Variants in DPYSL5 observed in about 807,000 individuals in gnomAD.
The protein encoded by DPYSL5 is dihydropyrimidinase-related protein 5.
In DPYSL5, 9 loss-of-function variants were observed where a neutral mutation model predicts 58.4. The observed-to-expected ratio is 0.15, with a 90% CI of 0.09 to 0.27. The LOEUF is 0.27. DPYSL5 is among the 10% of genes least tolerant of loss of function. The probability of loss-of-function intolerance (pLI) is 1.00; values close to 1 mark genes in which losing one functional copy is unlikely to be tolerated. For missense variants in DPYSL5, 499 were observed against 770.6 expected (o/e 0.65, Z 4.17); for synonymous variants, 293 against 301.9 (o/e 0.97, Z 0.31).
intron 5 of DPYSL5, 36 bp downstream of exon 5, chr2:26,928,359 C>T: frequency 6.2e-7 from 1 of 1,604,918 alleles, no homozygotes; most frequent in Non-Finnish European, 8.5e-7. Flanking sequence ...GTCAGCGTCT[C>T]TCATGTAGAT....
chr2:26,871,656 G>A (rs1050992375), intron 1 of DPYSL5, among the ~76,000 whole-genome samples: 1 of 151,912 alleles, frequency 6.6e-6, no homozygotes, highest in East Asian at 1.9e-4. Context: ...GGCTGGGCTG[G>A]TCTTGAACTC....
intron 1 of DPYSL5, among the ~76,000 whole-genome samples, chr2:26,862,321 AT>A (rs1430941783): frequency 6.6e-6 from 1 of 152,214 alleles, no homozygotes; most frequent in African/African-American, 2.4e-5. Context: ...GTTGAGCTGA[AT>A]TTATTTCTCT....
intron 2 of DPYSL5, among the ~76,000 whole-genome samples, chr2:26,908,044 G>C (rs1664343471): frequency 3.3e-5 from 5 of 152,122 alleles, no homozygotes; most frequent in African/African-American, 1.2e-4. Flanking sequence ...TAATCTCTCT[G>C]TTCCTCCATT....
At chr2:26,938,340 AGCCCT>A (rs1451616313) in intron 8 of DPYSL5, 1 of 152,170 alleles carries the variant, frequency 6.6e-6, no homozygotes, top group Admixed American at 6.5e-5. Context: ...TTCTGCCCTG[AGCCCT>A]GCTCAGGTAT....
chr2:26,945,282 G>A (rs1193461230), intron 12 of DPYSL5, among the ~76,000 whole-genome samples: 2 of 144,610 alleles, frequency 1.4e-5, no homozygotes, highest in South Asian at 2.2e-4. Context: ...ACCTTTCCCC[G>A]CCTTTGCCTC....
chr2:26,921,531 A>G (rs1054556740), intron 2 of DPYSL5, among the ~76,000 whole-genome samples: 7 of 152,136 alleles, frequency 4.6e-5, no homozygotes, highest in Non-Finnish European at 1.0e-4. Context: ...GGATGACACT[A>G]AAAAGGTCTG....
chr2:26,901,829 A>C (rs1479930574), intron 2 of DPYSL5, among the ~76,000 whole-genome samples: 1 of 129,280 alleles, frequency 7.7e-6, no homozygotes, highest in Non-Finnish European at 1.6e-5. Context: ...CAGCAGCTGG[A>C]CTAGGAAAAC....
At chr2:26,888,339 G>T (rs1377180528) in intron 1 of DPYSL5, among the ~76,000 whole-genome samples, 1 of 150,760 alleles carries the variant, frequency 6.6e-6, no homozygotes, top group Non-Finnish European at 1.5e-5. Context: ...AGTGCAATCT[G>T]GGCCCACTGC....
chr2:26,887,658 G>A (rs966132588), intron 1 of DPYSL5, among the ~76,000 whole-genome samples: 2 of 151,362 alleles, frequency 1.3e-5, no homozygotes, highest in Non-Finnish European at 2.9e-5. Context: ...AAGTAAAAAT[G>A]GGGGGCATGG....
chr2:26,935,055 A>T (rs1364548629), intron 8 of DPYSL5, among the ~76,000 whole-genome samples: 3 of 152,166 alleles, frequency 2.0e-5, no homozygotes, highest in Admixed American at 6.5e-5. Context: ...CCTGTGACTT[A>T]TCCTAGAATG....
chr2:26,917,717 G>A (rs1325550734), intron 2 of DPYSL5, among the ~76,000 whole-genome samples: 2 of 152,208 alleles, frequency 1.3e-5, no homozygotes, highest in African/African-American at 2.4e-5. Context: ...TCAGGCCAGC[G>A]CAGGTGATAA....
At chr2:26,868,988 A>T (rs1663185646) in intron 1 of DPYSL5, among the ~76,000 whole-genome samples, 1 of 152,152 alleles carries the variant, frequency 6.6e-6, no homozygotes, top group Non-Finnish European at 1.5e-5. Context: ...TTTTTGAGAC[A>T]GGGTCTTGCT....
chr2:26,889,883 T>C (rs571841501), intron 1 of DPYSL5, among the ~76,000 whole-genome samples: 33 of 152,246 alleles, frequency 2.2e-4, no homozygotes, highest in African/African-American at 7.5e-4. Context: ...CCTCCCTTTG[T>C]TGAGTTCAGC....
At chr2:26,910,262 G>A (rs1229463201) in intron 2 of DPYSL5, among the ~76,000 whole-genome samples, 5 of 152,198 alleles carry the variant, frequency 3.3e-5, no homozygotes, top group African/African-American at 1.2e-4. Flanking sequence ...AGTGGAATGT[G>A]TCTGTTTTAT....
chr2:26,865,291 G>A (rs1666112329), intron 1 of DPYSL5, among the ~76,000 whole-genome samples: 1 of 142,988 alleles, frequency 7.0e-6, no homozygotes. Flanking sequence ...TTGTTAAGAT[G>A]TGGAGATAGG....
intron 1 of DPYSL5, among the ~76,000 whole-genome samples, chr2:26,886,623 T>C (rs1663726315): frequency 6.6e-6 from 1 of 152,218 alleles, no homozygotes; most frequent in African/African-American, 2.4e-5. Flanking sequence ...GTTTTTACTG[T>C]TTACTACTTA....
Position 26,942,108 on chromosome 2 carries a change from C to T in DPYSL5, c.1232+16C>T, listed in dbSNP as rs187940086. ...AAGCCACAAAGTAAAGTTTGTTGCT[C>T]GTCCCCAGGGCTAGAGGGGCTTGGG... On this transcript the variant is annotated intron_variant, in intron 10 of 12. Transcript: ENST00000288699. This position sits in a 1 kb window ranked among gnomAD's most constrained non-coding sequence, Gnocchi z 5.9. 2.3e-4 allele frequency: 376 copies of T among 1,613,960 alleles called. 2 individuals carry two copies. Among genetic ancestry groups the T allele is most frequent in the East Asian group, 1.6e-3 (74 of 44,874 alleles).
chr2:26,907,207 T>G (rs1482071855), intron 2 of DPYSL5, among the ~76,000 whole-genome samples: 1 of 152,116 alleles, frequency 6.6e-6, no homozygotes, highest in African/African-American at 2.4e-5. Flanking sequence ...CTCCGCCTCC[T>G]GGGTTCAAGC....
At chr2:26,945,575 A>T (rs1384710559) in intron 12 of DPYSL5, among the ~76,000 whole-genome samples, 5 of 150,846 alleles carry the variant, frequency 3.3e-5, no homozygotes. Context: ...AGTGGAGAAC[A>T]AGCAGAGGCT....
Sources: gnomAD v4.1 joint callset for allele counts (sites outside exome capture counted in the v4.1 genomes callset) on GRCh38, gnomAD v4.1.1 for gene constraint, Gnocchi (gnomAD v3.1) non-coding constraint, MANE v1.5 for transcripts, NCBI Gene and HGNC (gene_info 2026-07-23, HGNC 2026-07-21) for gene names.